WASHC5: variants seen among roughly 807,000 people sequenced by gnomAD.
The protein encoded by WASHC5 is WASH complex subunit strumpellin.
Under a neutral mutation model 150.4 loss-of-function variants are expected in WASHC5, and 101 were observed. The ratio of observed to expected loss-of-function variants is 0.67; its 90% confidence interval spans 0.57 to 0.79. The LOEUF is 0.79. WASHC5 is among the 30% of genes least tolerant of loss of function. The probability of loss-of-function intolerance (pLI) is 0.00; values close to 1 mark genes in which losing one functional copy is unlikely to be tolerated. For synonymous variants in WASHC5, 467 were observed against 491.2 expected (o/e 0.95, Z 0.65); for missense variants, 1,195 against 1,396.3 (o/e 0.86, Z 2.30).
rs762601406 is a variant in WASHC5, at chr8:125,083,899, T to TG, written c.-2dup. On this transcript the variant is annotated 5_prime_UTR_variant, in exon 2 of 29. Transcript: ENST00000318410. ...TGTTCTCGGCTAGAAAGTCCAACAT[T>TG]GTGAGGCGGACCGACTACTCTGTGC... 28 of 1,613,368 alleles carry TG rather than the reference T, an allele frequency of 1.7e-5. No individual in the cohort carries two copies. The highest frequency in any genetic ancestry group is 6.7e-5 in the Admixed American group (4 of 59,908).
At chr8:125,084,868 A>G (rs1817372718) in intron 1 of WASHC5, among the ~76,000 whole-genome samples, 1 of 152,212 alleles carries the variant, frequency 6.6e-6, no homozygotes, top group African/African-American at 2.4e-5. Context: ...AGTTTCTGGT[A>G]AGTAGGTTAG....
At chr8:125,080,228 G>A (rs1817207527) in intron 5 of WASHC5, among the ~76,000 whole-genome samples, 2 of 152,102 alleles carry the variant, frequency 1.3e-5, no homozygotes, top group Admixed American at 6.6e-5. Context: ...TTGTACCAAA[G>A]GGGACAAAGC....
chr8:125,063,412 T>C (rs1039549101), intron 11 of WASHC5, 110 bp downstream of exon 11: 23 of 1,186,224 alleles, frequency 1.9e-5, no homozygotes, highest in African/African-American at 1.1e-4. Context: ...TGGAATATCA[T>C]AGGATACAAT....
At chr8:125,054,505 G>A (rs1816344129) in intron 17 of WASHC5, among the ~76,000 whole-genome samples, 1 of 152,190 alleles carries the variant, frequency 6.6e-6, no homozygotes. Flanking sequence ...GATGACAGGA[G>A]CTTGCATGCC....
chr8:125,048,727 TAA>T (rs1043205619), intron 19 of WASHC5, among the ~76,000 whole-genome samples: 2 of 152,210 alleles, frequency 1.3e-5, no homozygotes, highest in African/African-American at 4.8e-5. Context: ...AAAGGAGTCC[TAA>T]AAGTCTTTTG....
chr8:125,075,169 T>C, intron 7 of WASHC5, 58 bp from the exon 8 acceptor site: 2 of 1,066,572 alleles, frequency 1.9e-6, no homozygotes, highest in South Asian at 2.5e-5. Flanking sequence ...GGCAAAGGGT[T>C]GAATACTAAA....
intron 9 of WASHC5, among the ~76,000 whole-genome samples, chr8:125,068,168 T>C (rs927609868): frequency 1.3e-5 from 2 of 152,202 alleles, no homozygotes; most frequent in African/African-American, 2.4e-5. Context: ...GTTTGCAAGG[T>C]TGGCTCTTGG....
intron 23 of WASHC5, 48 bp downstream of exon 23, chr8:125,043,777 A>G (rs752015581): frequency 2.9e-6 from 4 of 1,366,106 alleles, no homozygotes; most frequent in Non-Finnish European, 4.2e-6. Context: ...AAAATAAAAA[A>G]TTTAAAAATG....
chr8:125,028,507 A>G, intron 28 of WASHC5, 113 bp downstream of exon 28: 1 of 726,916 alleles, frequency 1.4e-6, no homozygotes, highest in East Asian at 2.7e-5. Flanking sequence ...CGAGAGGCGC[A>G]GAGGCATCTA....
At chr8:125,040,723 G>A (rs1025625616) in intron 23 of WASHC5, 9 of 152,186 alleles carry the variant, frequency 5.9e-5, no homozygotes, top group African/African-American at 2.2e-4. Flanking sequence ...GGACATGTTT[G>A]CTTCCACTTC....
intron 17 of WASHC5, among the ~76,000 whole-genome samples, chr8:125,053,871 A>C (rs948266357): frequency 6.6e-6 from 1 of 152,204 alleles, no homozygotes; most frequent in Non-Finnish European, 1.5e-5. Context: ...GGGAGAACAA[A>C]ATTAGAAAGT....
At chr8:125,056,361 T>C (rs796682337) in intron 16 of WASHC5, among the ~76,000 whole-genome samples, 167 of 152,208 alleles carry the variant, frequency 1.1e-3, no homozygotes, top group African/African-American at 3.9e-3. Context: ...AACATGAATA[T>C]GAAAAGTCAG....
rs755931577 is a variant in WASHC5 at position 125,073,367 on chromosome 8, A to G, written c.979-43T>C. 2.1e-5 allele frequency: 32 copies of G among 1,497,866 alleles called. No homozygotes were observed. The Admixed American group carries it at 5.4e-4, about 25-fold the overall frequency. 92.8% of individuals were successfully genotyped at this position (1,497,866 alleles called of 1,614,324 possible). A position where few individuals can be genotyped will look rare whatever the true frequency, so the allele number is the denominator to read the frequency against. ...TTGAATTACATTTAAAAAGTCATTT[A>G]TCTTGAAAATAAATCACATTCAAAT... On this transcript the variant is annotated intron_variant, in intron 8 of 28. Transcript: ENST00000318410.
At position 125,032,376 on chromosome 8, in the gene WASHC5, G is replaced by A. The variant is rs149383757; in HGVS notation, c.3200C>T (p.Pro1067Leu). 1.1e-4 allele frequency: 178 copies of A among 1,614,014 alleles called. No individual in the cohort carries two copies. The East Asian group carries it at 1.6e-3, about 14-fold the overall frequency. The change falls in exon 27 of 29, where the codon CCG becomes CTG. Residue 1067 changes from proline to leucine, a missense_variant. Physicochemically the swap from Pro to Leu is moderately conservative, Grantham distance 98. Transcript: ENST00000318410. ...TGGTGGCCAATCAACCGGGTCGGTC[G>A]GTTTTCGGCAGACCATTCCTGCAAG... ...NKNLGMVCRK[P>L]TDPVDWPPLV...
rs2130097679 is a variant in WASHC5 at position 125,059,311 on chromosome 8, A to G, written c.1689-14T>C. 6.2e-7 allele frequency: 1 copy of G among 1,613,880 alleles called. No homozygotes were observed. Among genetic ancestry groups the G allele is most frequent in the Middle Eastern group, 1.7e-4 (1 of 6,058 alleles). ...ATGGATGTGAAACTGTAAAAAGAAA[A>G]GAAACGGTAAGAAGATGTTCCTAGG... On this transcript the variant is annotated splice_polypyrimidine_tract_variant and intron_variant, in intron 13 of 28. Coordinates refer to ENST00000318410, the MANE Select transcript of WASHC5 (RefSeq NM_014846.4).
intron 21 of WASHC5, 54 bp from the exon 22 acceptor site, chr8:125,044,148 A>G (rs1815983140): frequency 2.5e-6 from 3 of 1,183,914 alleles, no homozygotes; most frequent in Non-Finnish European, 3.8e-6. Context: ...TAAACAAGCA[A>G]ATTCTCCAGT....
chr8:125,086,384 C>T (rs1405776511), intron 1 of WASHC5, among the ~76,000 whole-genome samples: 1 of 152,168 alleles, frequency 6.6e-6, no homozygotes, highest in African/African-American at 2.4e-5. Context: ...AAGCAATCCT[C>T]CCATCTCAGC....
chr8:125,058,829 C>G (rs1324725218), intron 14 of WASHC5, among the ~76,000 whole-genome samples: 4 of 152,076 alleles, frequency 2.6e-5, no homozygotes, highest in Admixed American at 2.6e-4. Flanking sequence ...CACCAATATT[C>G]CCTGTTACTG....
At chr8:125,082,784 AAG>A (rs1167706682) in intron 3 of WASHC5, 41 of 372,034 alleles carry the variant, frequency 1.1e-4, no homozygotes, top group Admixed American at 3.5e-4. Flanking sequence ...GAAGTGTATT[AAG>A]AGACAGAAAG....
Sources: allele counts gnomAD v4.1 joint callset (sites outside exome capture counted in the v4.1 genomes callset), GRCh38; gene constraint gnomAD v4.1.1; transcripts MANE v1.5; gene names NCBI Gene and HGNC (gene_info 2026-07-23, HGNC 2026-07-21).